The following SH3GL3 variants were observed in gnomAD, a reference collection of about 807,000 sequenced individuals.
SH3GL3 encodes SH3 domain containing GRB2 like 3, endophilin A3, also known as endophilin-A3.
SH3GL3 carries 33 observed loss-of-function variants against 47.7 expected under a neutral mutation model. The observed-to-expected ratio is 0.69, with a 90% confidence interval of 0.52 to 0.92. SH3GL3 has a LOEUF of 0.92. Among genes scored for constraint, SH3GL3 ranks in the 40% least tolerant of loss-of-function variants. The pLI, the probability that SH3GL3 is intolerant of heterozygous loss-of-function variation, is 0.00. For synonymous variants in SH3GL3, 155 were observed against 148.8 expected (o/e 1.04, Z -0.30); for missense variants, 363 against 417.8 (o/e 0.87, Z 1.14).
At chr15:83,513,358 T>A (rs900753142) in intron 1 of SH3GL3, among the ~76,000 whole-genome samples, 1 of 151,546 alleles carries the variant, frequency 6.6e-6, no homozygotes, top group East Asian at 1.9e-4. Flanking sequence ...TGTCAAGAGG[T>A]TTCATGATCT....
At position 83,481,516 on chromosome 15, in the gene SH3GL3, C is replaced by G. The variant is rs1039925802; in HGVS notation, c.45+33938C>G. 6.6e-5 allele frequency among the ~76,000 whole-genome samples: 10 copies of G among 152,232 alleles called. 1 individual carries two copies. The highest frequency in any genetic ancestry group is 5.2e-4 in the Admixed American group (8 of 15,284). On this transcript the variant is annotated intron_variant, in intron 1 of 8. Transcript: ENST00000427482. The stretch of plus-strand genomic sequence containing the variant: ...TTTGGTTCTCCTCAGAAATGGCTTA[C>G]TTTATTTGTACTTGACTTGAGTTAC...
intron 6 of SH3GL3, among the ~76,000 whole-genome samples, chr15:83,583,874 T>G (rs1220305990): frequency 6.6e-6 from 1 of 152,144 alleles, no homozygotes; most frequent in Non-Finnish European, 1.5e-5. Context: ...CCCCTGAGCT[T>G]GGTTCTTATG....
chr15:83,476,150 A>G (rs2041084459), intron 1 of SH3GL3, among the ~76,000 whole-genome samples: 1 of 152,182 alleles, frequency 6.6e-6, no homozygotes, highest in South Asian at 2.1e-4. Flanking sequence ...TTAAAATAGT[A>G]TTATTTTTAT....
At chr15:83,478,165 A>C (rs2041184821) in intron 1 of SH3GL3, among the ~76,000 whole-genome samples, 1 of 152,184 alleles carries the variant, frequency 6.6e-6, no homozygotes, top group African/African-American at 2.4e-5. Flanking sequence ...ACTTTAGGGG[A>C]ACTTGCAGAT....
At chr15:83,590,419 A>C (rs1199723313) in intron 8 of SH3GL3, among the ~76,000 whole-genome samples, 1 of 152,180 alleles carries the variant, frequency 6.6e-6, no homozygotes, top group Non-Finnish European at 1.5e-5. Flanking sequence ...GTTTTCTACT[A>C]CTTTGAATAA....
intron 1 of SH3GL3, among the ~76,000 whole-genome samples, chr15:83,497,369 C>A (rs1345536415): frequency 6.6e-6 from 1 of 152,124 alleles, no homozygotes; most frequent in East Asian, 1.9e-4. Context: ...ACTCTGGACC[C>A]GAGCAGCTGA....
chr15:83,629,314 A>G, the SH3GL3 span, among the ~76,000 whole-genome samples: 13 of 152,214 alleles, frequency 8.5e-5, no homozygotes, highest in Non-Finnish European at 1.6e-4. Context: ...TCTGATGTGT[A>G]AAATAGAGTC....
At chr15:83,465,100 A>C (rs1472300821) in intron 1 of SH3GL3, among the ~76,000 whole-genome samples, 1 of 151,570 alleles carries the variant, frequency 6.6e-6, no homozygotes, top group African/African-American at 2.4e-5. Flanking sequence ...ACCTGAGGTC[A>C]GGAGTTGGAG....
At chr15:83,617,632 C>T (rs2060859511) in intron 8 of SH3GL3, among the ~76,000 whole-genome samples, 1 of 152,110 alleles carries the variant, frequency 6.6e-6, no homozygotes, top group Non-Finnish European at 1.5e-5. Flanking sequence ...GCCAGGATCG[C>T]ACCATTGCAC....
intron 1 of SH3GL3, among the ~76,000 whole-genome samples, chr15:83,481,706 C>T (rs375196382): frequency 5.1e-4 from 77 of 152,248 alleles, no homozygotes; most frequent in African/African-American, 1.8e-3. Flanking sequence ...AAGGATTGAT[C>T]GTTTTTTTCC....
At chr15:83,586,805 G>A (rs982161741) in intron 6 of SH3GL3, among the ~76,000 whole-genome samples, 178 bp from the exon 7 acceptor site, 2 of 152,158 alleles carry the variant, frequency 1.3e-5, no homozygotes, top group Non-Finnish European at 2.9e-5. Flanking sequence ...AGCATTTATA[G>A]CTCCATACCA....
chr15:83,571,621 T>A (rs2045820118), intron 4 of SH3GL3, among the ~76,000 whole-genome samples: 2 of 152,024 alleles, frequency 1.3e-5, no homozygotes, highest in Non-Finnish European at 2.9e-5. Context: ...GCCATCTCTA[T>A]TTTACAGGTA....
Position 83,447,612 on chromosome 15 carries a change from G to C in SH3GL3, c.45+34G>C. On this transcript the variant is annotated intron_variant, in intron 1 of 8. Coordinates refer to ENST00000427482, the MANE Select transcript of SH3GL3 (RefSeq NM_003027.5). The surrounding 1 kb of genome is among the most constrained non-coding windows in gnomAD (Gnocchi z 5.1). ...GCGCAGAGGAGGGAAGGAGGGAGGG[G>C]GACGCGGAGGCTGCGGCCCCCCGAG... is the stretch of plus-strand genomic sequence containing the variant. The C allele has an allele frequency of 7.0e-7, 1 of 1,433,228 alleles. No homozygotes were observed. Among genetic ancestry groups the C allele is most frequent in the Non-Finnish European group, 9.4e-7 (1 of 1,069,198 alleles). The allele number at this position is 1,433,228 out of a possible 1,614,324, so 88.8% of individuals were successfully genotyped here. A position where few individuals can be genotyped will look rare whatever the true frequency, so the allele number is the denominator to read the frequency against.
At chr15:83,460,016 G>A (rs1230898187) in intron 1 of SH3GL3, among the ~76,000 whole-genome samples, 11 of 29,854 alleles carry the variant, frequency 3.7e-4, no homozygotes, top group East Asian at 1.9e-3. Context: ...CTCCCCTCCC[G>A]TCCCCTCCCC....
chr15:83,612,560 A>C (rs1237812803), intron 8 of SH3GL3, among the ~76,000 whole-genome samples: 2 of 152,176 alleles, frequency 1.3e-5, no homozygotes, highest in African/African-American at 2.4e-5. Context: ...CATGGTTTCC[A>C]CTGGGCTCCA....
At chr15:83,602,240 C>T (rs1272111744) in intron 8 of SH3GL3, among the ~76,000 whole-genome samples, 4 of 152,208 alleles carry the variant, frequency 2.6e-5, no homozygotes, top group African/African-American at 9.6e-5. Flanking sequence ...CAAACAGCCA[C>T]ACCTAGTAGC....
intron 8 of SH3GL3, among the ~76,000 whole-genome samples, chr15:83,591,889 G>A (rs1343225858): frequency 1.3e-5 from 2 of 151,986 alleles, no homozygotes; most frequent in African/African-American, 2.4e-5. Context: ...GTTTCACTGC[G>A]GTGTTGATCT....
At position 83,448,206 on chromosome 15, in the gene SH3GL3, C is replaced by G. The variant is rs1486205287; in HGVS notation, c.45+628C>G. Among the ~76,000 whole-genome samples, 1 of 152,170 alleles carries G rather than the reference C, an allele frequency of 6.6e-6. No homozygotes were observed. The highest frequency in any genetic ancestry group is 6.5e-5 in the Admixed American group (1 of 15,278). On this transcript the variant is annotated intron_variant, in intron 1 of 8. Coordinates refer to ENST00000427482, the MANE Select transcript of SH3GL3 (RefSeq NM_003027.5). The surrounding 1 kb of genome is among the most constrained non-coding windows in gnomAD (Gnocchi z 4.2). ...CACGCTTCTGCTCTTACAGAGCTGA[C>G]AGCCTGCAGGGGAGACACGGAGACA...
downstream of SH3GL3, among the ~76,000 whole-genome samples, chr15:83,620,061 G>A (rs372554455): frequency 9.2e-5 from 14 of 152,288 alleles, no homozygotes; most frequent in South Asian, 2.9e-3. Flanking sequence ...TCAACTGTAA[G>A]AAGCAATTCC....
Sources: gnomAD v4.1 joint callset for allele counts (sites outside exome capture counted in the v4.1 genomes callset) on GRCh38, gnomAD v4.1.1 for gene constraint, Gnocchi (gnomAD v3.1) non-coding constraint, MANE v1.5 for transcripts, NCBI Gene and HGNC (gene_info 2026-07-23, HGNC 2026-07-21) for gene names.